FARP1: variants seen among roughly 807,000 people sequenced by gnomAD.
FARP1 encodes the protein FERM, ARH/RhoGEF and pleckstrin domain protein 1.
FARP1 carries 52 observed loss-of-function variants against 128.8 expected under a neutral mutation model. That is an observed-to-expected ratio of 0.40 (90% CI 0.32 to 0.51). The LOEUF (loss-of-function observed/expected upper bound fraction) is 0.51, where lower values mean the gene tolerates loss of function less well. Among genes scored for constraint, FARP1 ranks in the 20% least tolerant of loss-of-function variants. FARP1 has a pLI of 0.45. For synonymous variants in FARP1, 580 were observed against 551.8 expected (o/e 1.05, Z -0.72); for missense variants, 1,333 against 1,367.9 (o/e 0.97, Z 0.40).
intron 1 of FARP1, among the ~76,000 whole-genome samples, chr13:98,168,178 AAAAAAT>A (rs1376133383): frequency 2.0e-5 from 3 of 151,506 alleles, no homozygotes; most frequent in African/African-American, 4.9e-5. Flanking sequence ...TCTCAAAAAA[AAAAAAT>A]AAAATAAATA....
At chr13:98,349,081 T>G (rs187273520) in intron 3 of FARP1, among the ~76,000 whole-genome samples, 1 of 152,372 alleles carries the variant, frequency 6.6e-6, no homozygotes, top group East Asian at 1.9e-4. Flanking sequence ...ATTTATCTCA[T>G]TGGCCTATTG....
intron 2 of FARP1, among the ~76,000 whole-genome samples, chr13:98,222,878 C>T (rs1361226924): frequency 2.0e-5 from 3 of 150,782 alleles, no homozygotes; most frequent in East Asian, 1.9e-4. Flanking sequence ...CCTCGCAACC[C>T]GGCTGCCTTG....
chr13:98,309,613 T>C (rs2139737660), intron 2 of FARP1, among the ~76,000 whole-genome samples: 1 of 152,292 alleles, frequency 6.6e-6, no homozygotes, highest in South Asian at 2.1e-4. Context: ...GATGGGAGAC[T>C]TCCATGCTTA....
At chr13:98,285,693 C>G (rs1444551507) in intron 2 of FARP1, among the ~76,000 whole-genome samples, 2 of 152,260 alleles carry the variant, frequency 1.3e-5, no homozygotes. Context: ...AAACGACTCT[C>G]TTCCTTTATG....
intron 2 of FARP1, among the ~76,000 whole-genome samples, chr13:98,231,493 A>T (rs551201362): frequency 6.6e-6 from 1 of 152,254 alleles, no homozygotes; most frequent in East Asian, 1.9e-4. Flanking sequence ...GCTGGAGTGC[A>T]GTGGCATAAT....
intron 16 of FARP1, among the ~76,000 whole-genome samples, chr13:98,416,277 A>G: frequency 6.6e-6 from 1 of 152,246 alleles, no homozygotes; most frequent in East Asian, 1.9e-4. Flanking sequence ...AAAGTATAAT[A>G]TGCAGCAAAA....
At chr13:98,362,025 A>T (rs1888894565) in intron 3 of FARP1, among the ~76,000 whole-genome samples, 2 of 152,188 alleles carry the variant, frequency 1.3e-5, no homozygotes, top group African/African-American at 4.8e-5. Flanking sequence ...GCACTTTGGG[A>T]GGCCGAGGCA....
At chr13:98,360,305 A>T (rs1197886135) in intron 3 of FARP1, among the ~76,000 whole-genome samples, 1 of 152,166 alleles carries the variant, frequency 6.6e-6, no homozygotes, top group African/African-American at 2.4e-5. Context: ...CATGTTGGCC[A>T]GGCTGGTCTC....
intron 24 of FARP1, among the ~76,000 whole-genome samples, chr13:98,444,658 T>C (rs1892708771): frequency 6.6e-6 from 1 of 151,404 alleles, no homozygotes. Flanking sequence ...GATAAAGAGG[T>C]TTCCAGAGGC....
intron 2 of FARP1, among the ~76,000 whole-genome samples, chr13:98,307,004 CA>C (rs1886194870): frequency 2.0e-5 from 3 of 152,048 alleles, no homozygotes; most frequent in South Asian, 2.1e-4. Context: ...AACGAAGAAA[CA>C]GAGCAGAGCT....
chr13:98,355,830 C>A (rs1888616876), intron 3 of FARP1, among the ~76,000 whole-genome samples: 2 of 152,020 alleles, frequency 1.3e-5, no homozygotes, highest in Admixed American at 1.3e-4. Flanking sequence ...TTTTCATTTT[C>A]AATACTTTCC....
intron 2 of FARP1, among the ~76,000 whole-genome samples, chr13:98,226,022 C>A (rs550455902): frequency 6.6e-6 from 1 of 152,208 alleles, no homozygotes; most frequent in African/African-American, 2.4e-5. Context: ...CCAGGCTAAT[C>A]CATTCCTTAA....
At position 98,250,361 on chromosome 13, in the gene FARP1, A is replaced by G. The variant is rs190783157; in HGVS notation, c.171+36948A>G. Among the ~76,000 whole-genome samples, 4 of 152,312 alleles carry G rather than the reference A, an allele frequency of 2.6e-5. No individual in the cohort carries two copies. In the East Asian group the frequency reaches 7.7e-4, roughly 29 times the overall value. On this transcript the variant is annotated intron_variant, in intron 2 of 26. Coordinates refer to ENST00000319562, the MANE Select transcript of FARP1 (RefSeq NM_005766.4). Reference sequence around the variant, plus strand: ...TTTCTTTCTCACATAATCTGTCAAAACTTTAAATTGTGAAATATGGCATAT... The same window carrying G: ...TTTCTTTCTCACATAATCTGTCAAAGCTTTAAATTGTGAAATATGGCATAT...
At chr13:98,432,068 C>G (rs1892054144) in intron 18 of FARP1, 1 of 152,194 alleles carries the variant, frequency 6.6e-6, no homozygotes, top group Admixed American at 6.5e-5. Flanking sequence ...AAGCCTCAGG[C>G]ACAGGTGAGT....
At chr13:98,200,389 C>A (rs1018065171) in intron 1 of FARP1, among the ~76,000 whole-genome samples, 41 of 39,836 alleles carry the variant, frequency 1.0e-3, no homozygotes, top group Middle Eastern at 0.018. Context: ...CAACCTTCAC[C>A]CCCCCCCCCT....
chr13:98,183,873 C>G (rs7999119), intron 1 of FARP1, among the ~76,000 whole-genome samples: 5,951 of 152,198 alleles, frequency 0.039, 358 homozygotes, highest in African/African-American at 0.13. Context: ...GTGTGTCTCT[C>G]TCACAGCCAG....
chr13:98,325,172 A>T (rs147102714), intron 2 of FARP1, among the ~76,000 whole-genome samples: 10 of 152,348 alleles, frequency 6.6e-5, no homozygotes, highest in African/African-American at 2.4e-4. Flanking sequence ...TATGCATTTG[A>T]TGTTGGAATA....
chr13:98,294,260 A>G (rs4772067), intron 2 of FARP1, among the ~76,000 whole-genome samples: 42,474 of 151,964 alleles, frequency 0.28, 6,796 homozygotes, highest in Non-Finnish European at 0.36. Context: ...CAGTGAAGAA[A>G]CTCATTTGCA....
At position 98,438,506 on chromosome 13, in the gene FARP1, A is replaced by G. The variant is rs200495758; in HGVS notation, c.2275-298A>G. Among the ~76,000 whole-genome samples, 58 of 152,166 alleles carry G rather than the reference A, an allele frequency of 3.8e-4. No individual in the cohort carries two copies. The East Asian group carries it at 6.4e-3, about 17-fold the overall frequency. On this transcript the variant is annotated intron_variant, in intron 19 of 26. Transcript: ENST00000319562. Reference sequence around the variant, plus strand: ...CTTTGTTGGGGGAGCTGCTGGTGGTACCTGCCCTGTACCTTCCTGGGGAGG... The same window carrying G: ...CTTTGTTGGGGGAGCTGCTGGTGGTGCCTGCCCTGTACCTTCCTGGGGAGG...
Sources: gnomAD v4.1 joint callset for allele counts (sites outside exome capture counted in the v4.1 genomes callset) on GRCh38, gnomAD v4.1.1 for gene constraint, MANE v1.5 for transcripts, NCBI Gene and HGNC (gene_info 2026-07-23, HGNC 2026-07-21) for gene names.